PARD3B: variants seen among roughly 807,000 people sequenced by gnomAD.
PARD3B encodes par-3 family cell polarity regulator beta.
In PARD3B, 103 loss-of-function variants were observed where a neutral mutation model predicts 130.2. That is an observed-to-expected ratio of 0.79 (90% CI 0.67 to 0.93). The LOEUF (loss-of-function observed/expected upper bound fraction) is 0.93, where lower values mean the gene tolerates loss of function less well. PARD3B is among the 40% of genes least tolerant of loss of function. The pLI, the probability that PARD3B is intolerant of heterozygous loss-of-function variation, is 0.00. For synonymous variants in PARD3B, 583 were observed against 553.2 expected, an observed-to-expected ratio of 1.05 and a Z score of -0.76; for missense variants, 1,609 against 1,499.2, an observed-to-expected ratio of 1.07 and a Z score of -1.21.
chr2:205,070,357 C>T (rs1380998735), intron 4 of PARD3B, among the ~76,000 whole-genome samples: 1 of 151,806 alleles, frequency 6.6e-6, no homozygotes, highest in Non-Finnish European at 1.5e-5. Flanking sequence ...TTTTTTAAAT[C>T]AGGATTTAAT....
Position 205,089,504 on chromosome 2 carries a change from C to T in PARD3B, c.505-14922C>T, listed in dbSNP as rs77285852. On this transcript the variant is annotated intron_variant, in intron 4 of 22. Coordinates refer to ENST00000406610, the MANE Select transcript of PARD3B (RefSeq NM_001302769.2). The stretch of plus-strand genomic sequence containing the variant: ...TATGTGCCACCTTGATAGGGACATA[C>T]CTGACCATCTGACTGAGGAGGGCAA... Among the ~76,000 whole-genome samples, 9 of 152,170 alleles carry T rather than the reference C, an allele frequency of 5.9e-5. No individual in the cohort carries two copies. In the East Asian group the frequency reaches 9.7e-4, roughly 16 times the overall value.
chr2:204,555,899 C>G (rs2125048868), intron 1 of PARD3B, among the ~76,000 whole-genome samples: 1 of 152,208 alleles, frequency 6.6e-6, no homozygotes, highest in East Asian at 1.9e-4. Flanking sequence ...TGATTATAAC[C>G]TTCTGAGAAC....
At chr2:204,580,029 T>C (rs2032471505) in intron 1 of PARD3B, among the ~76,000 whole-genome samples, 2 of 152,214 alleles carry the variant, frequency 1.3e-5, no homozygotes, top group Non-Finnish European at 2.9e-5. Flanking sequence ...TCAAAAAGAA[T>C]TCATTTCCAT....
At chr2:204,826,392 A>C (rs1432810802) in intron 2 of PARD3B, among the ~76,000 whole-genome samples, 2 of 152,282 alleles carry the variant, frequency 1.3e-5, no homozygotes, top group African/African-American at 4.8e-5. Context: ...CAGGGATTCT[A>C]AGCTGTCAAA....
intron 3 of PARD3B, among the ~76,000 whole-genome samples, chr2:204,972,632 C>T (rs1225377674): frequency 6.6e-6 from 1 of 151,924 alleles, no homozygotes; most frequent in Non-Finnish European, 1.5e-5. Context: ...ACCATTTAAC[C>T]AAAAATATAA....
intron 20 of PARD3B, among the ~76,000 whole-genome samples, chr2:205,488,927 G>C (rs2049556427): frequency 6.6e-6 from 1 of 152,144 alleles, no homozygotes; most frequent in Non-Finnish European, 1.5e-5. Context: ...TGTTAGAACA[G>C]CTATATCTAT....
chr2:205,547,330 C>A (rs554717333), intron 21 of PARD3B, among the ~76,000 whole-genome samples: 17 of 152,238 alleles, frequency 1.1e-4, no homozygotes, highest in South Asian at 4.1e-4. Context: ...AATAAACCAC[C>A]AATCACCATC....
At chr2:205,097,607 T>A (rs1389244592) in intron 4 of PARD3B, among the ~76,000 whole-genome samples, 1 of 152,166 alleles carries the variant, frequency 6.6e-6, no homozygotes, top group Non-Finnish European at 1.5e-5. Context: ...GGACTCACCC[T>A]AGACCTACTG....
chr2:205,344,317 C>T (rs569718374), intron 18 of PARD3B, among the ~76,000 whole-genome samples: 1 of 151,674 alleles, frequency 6.6e-6, no homozygotes, highest in South Asian at 2.1e-4. Flanking sequence ...GTGGATGAGG[C>T]ACACAGACAC....
At position 205,099,729 on chromosome 2, in the gene PARD3B, C is replaced by T. The variant is rs145408614; in HGVS notation, c.505-4697C>T. On this transcript the variant is annotated intron_variant, in intron 4 of 22. Coordinates refer to ENST00000406610, the MANE Select transcript of PARD3B (RefSeq NM_001302769.2). ...CTTATAGGATGCCCTAAGCATCTGT[C>T]TGCCTGCCCCATCTTCAGAGAATAT... Among the ~76,000 whole-genome samples, 3 of 152,256 alleles carry T rather than the reference C, an allele frequency of 2.0e-5. No homozygotes were observed. The East Asian group carries it at 5.8e-4, about 29-fold the overall frequency.
In PARD3B at chr2:205,460,599, C is replaced by G. The variant is rs1012099815; in HGVS notation, c.3044+19927C>G. On this transcript the variant is annotated intron_variant, in intron 20 of 22. Coordinates refer to ENST00000406610, the MANE Select transcript of PARD3B (RefSeq NM_001302769.2). The surrounding 1 kb of genome is among the most constrained non-coding windows in gnomAD (Gnocchi z 4.9). ...CATTAACATAGAGTTTGAAGCTGGG[C>G]ATAAATCCTAGGTATAAATCCTAAC... Among the ~76,000 whole-genome samples, 2 of 152,090 alleles carry G rather than the reference C, an allele frequency of 1.3e-5. No individual in the cohort carries two copies. Among genetic ancestry groups the G allele is most frequent in the Non-Finnish European group, 2.9e-5 (2 of 68,022 alleles).
At chr2:205,289,408 G>T (rs1379405294) in intron 16 of PARD3B, among the ~76,000 whole-genome samples, 1 of 152,080 alleles carries the variant, frequency 6.6e-6, no homozygotes, top group Non-Finnish European at 1.5e-5. Context: ...AATATTTGCT[G>T]TTGCCAGGTA....
chr2:205,468,114 T>C (rs2048695525), intron 20 of PARD3B, among the ~76,000 whole-genome samples: 1 of 152,182 alleles, frequency 6.6e-6, no homozygotes, highest in African/African-American at 2.4e-5. Context: ...AAAACAATGA[T>C]CTAGCTTAGC....
intron 2 of PARD3B, among the ~76,000 whole-genome samples, chr2:204,856,841 C>T (rs1477215521): frequency 6.6e-6 from 1 of 152,024 alleles, no homozygotes; most frequent in Non-Finnish European, 1.5e-5. Context: ...ACTATAAATA[C>T]TTAGATTTCT....
At chr2:204,886,152 T>C (rs12620769) in intron 2 of PARD3B, among the ~76,000 whole-genome samples, 4 of 152,168 alleles carry the variant, frequency 2.6e-5, no homozygotes, top group Non-Finnish European at 5.9e-5. Context: ...GAGTCAACTA[T>C]CAAAGAAGAA....
chr2:205,574,533 A>G (rs972271558), intron 22 of PARD3B, among the ~76,000 whole-genome samples: 1 of 152,116 alleles, frequency 6.6e-6, no homozygotes, highest in Non-Finnish European at 1.5e-5. Flanking sequence ...ATAATTCCGG[A>G]AAGATCTATA....
At position 204,991,325 on chromosome 2, in the gene PARD3B, T is replaced by G. The variant is rs1345068229; in HGVS notation, c.394+26002T>G. ...CCCACCTATGAGTGAGAATATGCGG[T>G]GTTTGGTTTTTTGTTCTTGCGATAG... is the stretch of plus-strand genomic sequence containing the variant. On this transcript the variant is annotated intron_variant, in intron 3 of 22. Transcript: ENST00000406610. 9.7e-4 allele frequency among the ~76,000 whole-genome samples: 141 copies of G among 145,582 alleles called. 1 individual carries two copies. The East Asian group carries it at 0.022, about 23-fold the overall frequency.
chr2:205,028,708 T>A (rs1246822175), intron 3 of PARD3B, among the ~76,000 whole-genome samples: 2 of 152,050 alleles, frequency 1.3e-5, no homozygotes, highest in Admixed American at 1.3e-4. Context: ...ACAAAAGACA[T>A]CCGAATTAGG....
At chr2:204,695,518 A>G (rs1007574272) in intron 2 of PARD3B, among the ~76,000 whole-genome samples, 3 of 152,066 alleles carry the variant, frequency 2.0e-5, no homozygotes, top group African/African-American at 7.2e-5. Context: ...CAGGGCATTG[A>G]CAGTTTGAAT....
Sources: allele counts gnomAD v4.1 joint callset (sites outside exome capture counted in the v4.1 genomes callset), GRCh38; gene constraint gnomAD v4.1.1; non-coding constraint Gnocchi (gnomAD v3.1); transcripts MANE v1.5; gene names NCBI Gene and HGNC (gene_info 2026-07-23, HGNC 2026-07-21).